COLEC11: variants seen among roughly 807,000 people sequenced by gnomAD.
COLEC11 encodes the protein collectin-11.
Under a neutral mutation model 27.3 loss-of-function variants are expected in COLEC11, and 20 were observed. The observed-to-expected ratio is 0.73, with a 90% confidence interval of 0.51 to 1.06. COLEC11 has a LOEUF of 1.06. COLEC11 is among the 50% of genes least tolerant of loss of function. COLEC11 has a pLI of 0.00. For missense variants in COLEC11, 310 were observed against 383.0 expected, an observed-to-expected ratio of 0.81 and a Z score of 1.59; for synonymous variants, 163 against 154.7, an observed-to-expected ratio of 1.05 and a Z score of -0.40.
intron 3 of COLEC11, among the ~76,000 whole-genome samples, chr2:3,634,817 C>T (rs1665266498): frequency 6.6e-6 from 1 of 151,986 alleles, no homozygotes; most frequent in South Asian, 2.1e-4. Context: ...GCAGGGCCCC[C>T]TCTGGTGTGG....
At chr2:3,606,246 CAGT>C in intron 2 of COLEC11, 1 of 1,549,944 alleles carries the variant, frequency 6.5e-7, no homozygotes, top group South Asian at 1.2e-5. Flanking sequence ...CCTGCCAGGT[CAGT>C]AGCCTGCACT....
intron 3 of COLEC11, among the ~76,000 whole-genome samples, chr2:3,619,225 C>G (rs1278512579): frequency 6.6e-6 from 1 of 150,696 alleles, no homozygotes; most frequent in African/African-American, 2.5e-5. Context: ...CTTTTCTTTC[C>G]TTTCCCCTTT....
intron 3 of COLEC11, among the ~76,000 whole-genome samples, chr2:3,633,894 C>G (rs189173154): frequency 2.0e-5 from 3 of 152,214 alleles, no homozygotes; most frequent in Middle Eastern, 3.2e-3. Context: ...CCTGCGCAGA[C>G]AGGGCCTGGG....
chr2:3,633,878 A>G (rs1351819398), intron 3 of COLEC11, among the ~76,000 whole-genome samples: 1 of 152,266 alleles, frequency 6.6e-6, no homozygotes, highest in Admixed American at 6.5e-5. Flanking sequence ...AGGAAGACAC[A>G]TGTTTCCTGC....
In COLEC11 at chr2:3,630,393, T is replaced by C. The variant is rs565883806; in HGVS notation, c.203-7140T>C. ...ACTTTATTTCTCAATATAAGCACCA[T>C]GAAGTTCAAGACACTTTTGTAAGTA... On this transcript the variant is annotated intron_variant, in intron 3 of 6. Transcript: ENST00000349077. Among the ~76,000 whole-genome samples the C allele has an allele frequency of 2.1e-3, 323 of 152,334 alleles. 1 individual carries two copies. The highest frequency in any genetic ancestry group is 7.4e-3 in the African/African-American group (307 of 41,572).
rs1258856093 is a variant in COLEC11 at position 3,606,256 on chromosome 2, C to T, written c.130+1786C>T. 6 of 1,549,120 alleles carry T rather than the reference C, an allele frequency of 3.9e-6. No homozygotes were observed. In the South Asian group the frequency reaches 7.1e-5, roughly 18 times the overall value. On this transcript the variant is annotated intron_variant, in intron 2 of 6. Coordinates refer to ENST00000349077, the MANE Select transcript of COLEC11 (RefSeq NM_024027.5). ...TGCGCCCTGCCAGGTCAGTAGCCTG[C>T]ACTGGTGGGGGCCGTGGGGTGGGCT...
chr2:3,629,813 C>A (rs372860482), intron 3 of COLEC11, among the ~76,000 whole-genome samples: 4 of 152,244 alleles, frequency 2.6e-5, no homozygotes, highest in East Asian at 3.9e-4. Flanking sequence ...AAACTGAATT[C>A]CAAGTGCTCT....
intron 3 of COLEC11, among the ~76,000 whole-genome samples, chr2:3,623,809 C>G (rs115886304): frequency 0.023 from 3,515 of 152,104 alleles, 135 homozygotes; most frequent in African/African-American, 0.078. Context: ...TTGTAGATCT[C>G]CATTTCTTTG....
In COLEC11 at chr2:3,613,336, A is replaced by G. The variant is rs1294998294; in HGVS notation, c.156A>G (p.Lys52=). 1.2e-6 allele frequency: 2 copies of G among 1,610,488 alleles called. No homozygotes were observed. Among genetic ancestry groups the G allele is most frequent in the African/African-American group, 2.7e-5 (2 of 74,988 alleles). ...GGGATGCGGGAGAGAAGGGAGACAA[A>G]GGCGCCCCCGGACGGCCTGGAAGAG... ...LKGDAGEKGD[K]GAPGRPGRVG... is the part of the protein sequence containing the mutation. Residue 52 remains lysine (K), a synonymous_variant, in exon 3 of 7, where the codon AAA becomes AAG. Transcript: ENST00000349077.
chr2:3,604,739 T>C (rs1404409320), intron 2 of COLEC11, among the ~76,000 whole-genome samples: 1 of 152,152 alleles, frequency 6.6e-6, no homozygotes, highest in African/African-American at 2.4e-5. Context: ...CACCTGGCTT[T>C]CCGTCAGACC....
chr2:3,603,791 C>A, intron 1 of COLEC11: 1 of 869,124 alleles, frequency 1.2e-6, no homozygotes, highest in Non-Finnish European at 1.8e-6. Flanking sequence ...ACTGATCTCA[C>A]CGAGGAAGGC....
intron 2 of COLEC11, among the ~76,000 whole-genome samples, chr2:3,609,633 G>T (rs1366339282): frequency 6.6e-6 from 1 of 151,796 alleles, no homozygotes; most frequent in Non-Finnish European, 1.5e-5. Flanking sequence ...GGGTTCAAGC[G>T]ATTCTCCTGC....
chr2:3,627,718 G>A (rs1376420442), intron 3 of COLEC11, among the ~76,000 whole-genome samples: 2 of 151,724 alleles, frequency 1.3e-5, no homozygotes, highest in Non-Finnish European at 2.9e-5. Flanking sequence ...TAGGTATGAC[G>A]ATGCTGGGCA....
chr2:3,605,708 CT>C (rs1662632434), intron 2 of COLEC11: 1 of 207,054 alleles, frequency 4.8e-6, no homozygotes, highest in Non-Finnish European at 9.9e-6. Flanking sequence ...GTCTGCGGCT[CT>C]TTTTATTGAA....
rs1558525059 is a variant in COLEC11, at chr2:3,644,268, A to G, written c.*150A>G. ...GAGGGCTGTTGTCTAAACTGAGAAA[A>G]TGGCCTATGCTTAAGAGGAAAATGA... On this transcript the variant is annotated 3_prime_UTR_variant, in exon 7 of 7. Transcript: ENST00000349077. The G allele has an allele frequency of 2.7e-5, 26 of 976,354 alleles. No individual in the cohort carries two copies. The highest frequency in any genetic ancestry group is 3.9e-5 in the Non-Finnish European group (25 of 633,870). 60.5% of individuals were successfully genotyped at this position (976,354 alleles called of 1,614,324 possible).
chr2:3,625,708 C>T (rs1348211808), intron 3 of COLEC11, among the ~76,000 whole-genome samples: 2 of 126,970 alleles, frequency 1.6e-5, no homozygotes, highest in Admixed American at 2.0e-4. Flanking sequence ...TCTTGGCTCA[C>T]TACAACCTCT....
At chr2:3,610,153 A>T (rs147353317) in intron 2 of COLEC11, among the ~76,000 whole-genome samples, 1 of 152,336 alleles carries the variant, frequency 6.6e-6, no homozygotes, top group East Asian at 1.9e-4. Context: ...GTAAAGACAC[A>T]CTGGCGTGCC....
intron 3 of COLEC11, among the ~76,000 whole-genome samples, chr2:3,628,304 C>T (rs1424110164): frequency 6.6e-6 from 1 of 152,226 alleles, no homozygotes; most frequent in East Asian, 1.9e-4. Flanking sequence ...GGCTTCCGGC[C>T]ATGCTGGGCG....
At chr2:3,631,988 G>A (rs1423034868) in intron 3 of COLEC11, among the ~76,000 whole-genome samples, 1 of 152,212 alleles carries the variant, frequency 6.6e-6, no homozygotes, top group Admixed American at 6.5e-5. Flanking sequence ...ACCCACAGTG[G>A]GGGTGCAGGG....
Sources: gnomAD v4.1 joint callset for allele counts (sites outside exome capture counted in the v4.1 genomes callset) on GRCh38, gnomAD v4.1.1 for gene constraint, MANE v1.5 for transcripts, NCBI Gene and HGNC (gene_info 2026-07-23, HGNC 2026-07-21) for gene names.